Variants in GNPAT observed in about 807,000 individuals in gnomAD.
GNPAT encodes glyceronephosphate O-acyltransferase.
Under a neutral mutation model 78.4 loss-of-function variants are expected in GNPAT, and 30 were observed. The observed-to-expected ratio is 0.38, with a 90% CI of 0.29 to 0.52. The LOEUF (loss-of-function observed/expected upper bound fraction) is 0.52. Ranked by LOEUF, GNPAT falls within the 20% of genes least tolerant of loss-of-function variation. The pLI is 0.84. For missense variants in GNPAT, 714 were observed against 812.2 expected (o/e 0.88, Z 1.47); for synonymous variants, 271 against 281.1 (o/e 0.96, Z 0.36).
chr1:231,243,449 G>A (rs959798635), intron 1 of GNPAT, among the ~76,000 whole-genome samples: 7 of 151,834 alleles, frequency 4.6e-5, no homozygotes, highest in Admixed American at 2.0e-4. Context: ...TCAGCCTCCC[G>A]AGTAGCTGGG....
intron 4 of GNPAT, among the ~76,000 whole-genome samples, chr1:231,264,241 G>A (rs564095654): frequency 6.6e-6 from 1 of 152,204 alleles, no homozygotes; most frequent in Non-Finnish European, 1.5e-5. Flanking sequence ...CTTACATTAA[G>A]ATCTTTGGTT....
intron 3 of GNPAT, among the ~76,000 whole-genome samples, chr1:231,261,275 A>G (rs1362967744): frequency 6.6e-6 from 1 of 152,014 alleles, no homozygotes; most frequent in Non-Finnish European, 1.5e-5. Context: ...CCACTTCCAT[A>G]TTAGACTCTT....
intron 1 of GNPAT, among the ~76,000 whole-genome samples, chr1:231,248,629 G>A (rs1450441004): frequency 6.6e-6 from 1 of 151,894 alleles, no homozygotes; most frequent in Non-Finnish European, 1.5e-5. Context: ...GTTCAAATGT[G>A]TGTTGTTTAA....
At chr1:231,269,387 T>C (rs1571953912) in intron 9 of GNPAT, among the ~76,000 whole-genome samples, 1 of 152,106 alleles carries the variant, frequency 6.6e-6, no homozygotes, top group East Asian at 1.9e-4. Flanking sequence ...AAAATAAAGA[T>C]GGACCTCCCC....
At position 231,272,370 on chromosome 1, in the gene GNPAT, C is replaced by T; in HGVS notation, c.1581C>T (p.Phe527=). The T allele has an allele frequency of 6.3e-7, 1 of 1,579,986 alleles. No individual in the cohort carries two copies. Among genetic ancestry groups the T allele is most frequent in the East Asian group, 2.2e-5 (1 of 44,548 alleles). ...ATGTTTTTGCAGATGAGTTCATCTT[C>T]CTTCCAGGAAACACACTAAAGGTAA... ...LRDVFADEFI[F]LPGNTLKDFE... The change falls in exon 11 of 16, where the codon TTC becomes TTT. Residue 527 remains phenylalanine (F), a synonymous_variant. Coordinates refer to ENST00000366647, the MANE Select transcript of GNPAT (RefSeq NM_014236.4).
In GNPAT at chr1:231,241,230, C is replaced by G. The variant is rs556696136; in HGVS notation, c.-149C>G. On this transcript the variant is annotated 5_prime_UTR_variant, in exon 1 of 16. Transcript: ENST00000366647. ...GCGGCTTCCGTCCTGGCTGAGATGG[C>G]GGCGCCCGGGATCCTGTGTAGCGGC... 1 of 1,490,220 alleles carries G rather than the reference C, an allele frequency of 6.7e-7. No homozygotes were observed. The allele number at this position is 1,490,220 out of a possible 1,614,324, so 92.3% of individuals were successfully genotyped here.
chr1:231,275,719 T>A (rs1013319435), intron 14 of GNPAT, among the ~76,000 whole-genome samples: 7 of 152,194 alleles, frequency 4.6e-5, no homozygotes, highest in Admixed American at 2.0e-4. Context: ...AGAAATAACT[T>A]TAGGCCAATA....
intron 4 of GNPAT, among the ~76,000 whole-genome samples, chr1:231,264,472 T>C (rs753602832): frequency 1.3e-5 from 2 of 152,208 alleles, no homozygotes; most frequent in African/African-American, 2.4e-5. Flanking sequence ...GTTTATCCAC[T>C]CCCTTTTAGG....
chr1:231,256,768 G>A (rs1200441184), intron 2 of GNPAT, among the ~76,000 whole-genome samples: 4 of 152,304 alleles, frequency 2.6e-5, no homozygotes, highest in Admixed American at 6.5e-5. Flanking sequence ...TTACAGGCGT[G>A]AGCCACTGCG....
intron 3 of GNPAT, among the ~76,000 whole-genome samples, chr1:231,262,392 A>C (rs1444353019): frequency 6.6e-6 from 1 of 152,256 alleles, no homozygotes; most frequent in Non-Finnish European, 1.5e-5. Flanking sequence ...GACCTTGTTA[A>C]TTATGTGGTA....
At chr1:231,256,497 T>TTTG (rs1380960434) in intron 2 of GNPAT, among the ~76,000 whole-genome samples, 5 of 139,802 alleles carry the variant, frequency 3.6e-5, no homozygotes, top group Admixed American at 1.4e-4. Flanking sequence ...TTTTTTTTTT[T>TTTG]TTTTTTTGAG....
rs150440432 is a variant in GNPAT, at chr1:231,241,776, C to T, written c.78+320C>T. ...ATGAGGAATGAGAATTGGAGTCTCC[C>T]CATCTCTAGCGAGGGCATGTCGAGC... On this transcript the variant is annotated intron_variant, in intron 1 of 15. Coordinates refer to ENST00000366647, the MANE Select transcript of GNPAT (RefSeq NM_014236.4). 1.1e-3 allele frequency among the ~76,000 whole-genome samples: 166 copies of T among 152,342 alleles called. 1 individual carries two copies. Among genetic ancestry groups the T allele is most frequent in the African/African-American group, 3.8e-3 (160 of 41,584 alleles).
chr1:231,247,426 A>G (rs1684780100), intron 1 of GNPAT, among the ~76,000 whole-genome samples: 1 of 152,214 alleles, frequency 6.6e-6, no homozygotes, highest in Non-Finnish European at 1.5e-5. Context: ...GAAGTGTTTT[A>G]GAGACCATCT....
chr1:231,255,026 T>C (rs1046966245), intron 2 of GNPAT, among the ~76,000 whole-genome samples: 17 of 152,108 alleles, frequency 1.1e-4, no homozygotes, highest in Admixed American at 3.3e-4. Flanking sequence ...GCACTGGGAT[T>C]ACAGGTGCGA....
intron 11 of GNPAT, 69 bp from the exon 12 acceptor site, chr1:231,273,853 T>G (rs1158733733): frequency 9.1e-6 from 11 of 1,215,250 alleles, no homozygotes; most frequent in Non-Finnish European, 1.3e-5. Context: ...GATGAGGGGG[T>G]ACATGTATTC....
intron 15 of GNPAT, among the ~76,000 whole-genome samples, chr1:231,277,165 C>A (rs1228637798): frequency 6.6e-6 from 1 of 152,186 alleles, no homozygotes; most frequent in Non-Finnish European, 1.5e-5. Context: ...CTAAAACAAC[C>A]ACAAACACCT....
At chr1:231,255,927 C>T (rs1343175162) in intron 2 of GNPAT, among the ~76,000 whole-genome samples, 1 of 152,172 alleles carries the variant, frequency 6.6e-6, no homozygotes, top group East Asian at 1.9e-4. Context: ...CCTTTCTTTT[C>T]ATGACACCAT....
At position 231,241,220 on chromosome 1, in the gene GNPAT, G is replaced by A. The variant is rs754960864; in HGVS notation, c.-159G>A. 3.1e-5 allele frequency: 48 copies of A among 1,525,012 alleles called. No individual in the cohort carries two copies. The highest frequency in any genetic ancestry group is 4.3e-5 in the Non-Finnish European group (47 of 1,103,356). 94.5% of individuals were successfully genotyped at this position (1,525,012 alleles called of 1,614,324 possible). ...AGGGCCCTGCGCGGCTTCCGTCCTG[G>A]CTGAGATGGCGGCGCCCGGGATCCT... is the stretch of plus-strand genomic sequence containing the variant. On this transcript the variant is annotated 5_prime_UTR_variant, in exon 1 of 16. Transcript: ENST00000366647.
chr1:231,258,889 G>T (rs1423128676), intron 2 of GNPAT, among the ~76,000 whole-genome samples: 1 of 150,890 alleles, frequency 6.6e-6, no homozygotes, highest in Non-Finnish European at 1.5e-5. Context: ...CACCTGCCTC[G>T]GCCTCCCAAA....
Sources: gnomAD v4.1 joint callset for allele counts (sites outside exome capture counted in the v4.1 genomes callset) on GRCh38, gnomAD v4.1.1 for gene constraint, MANE v1.5 for transcripts, NCBI Gene and HGNC (gene_info 2026-07-23, HGNC 2026-07-21) for gene names.